CCN2: variants seen among roughly 807,000 people sequenced by gnomAD.
CCN2 encodes cellular communication network factor 2, also known as CCN family member 2.
CCN2 carries 22 observed loss-of-function variants against 33.2 expected under a neutral mutation model. The observed-to-expected ratio is 0.66, with a 90% CI of 0.47 to 0.95. CCN2 has a LOEUF of 0.95. Ranked by LOEUF, CCN2 falls within the 40% of genes least tolerant of loss-of-function variation. CCN2 has a pLI of 0.00. For synonymous variants in CCN2, 178 were observed against 200.6 expected, an observed-to-expected ratio of 0.89 and a Z score of 0.95; for missense variants, 469 against 498.8, an observed-to-expected ratio of 0.94 and a Z score of 0.57.
rs1783108746 is a variant in CCN2 at position 131,951,313 on chromosome 6, TC to T, written c.-142del. The T allele has an allele frequency of 1.5e-6, 1 of 655,316 alleles. No homozygotes were observed. The highest frequency in any genetic ancestry group is 6.9e-5 in the South Asian group (1 of 14,476). 40.6% of individuals were successfully genotyped at this position (655,316 alleles called of 1,614,324 possible). A position where few individuals can be genotyped will look rare whatever the true frequency, so the allele number is the denominator to read the frequency against. On this transcript the variant is annotated 5_prime_UTR_variant, in exon 1 of 5. Coordinates refer to ENST00000367976, the MANE Select transcript of CCN2 (RefSeq NM_001901.4). ...GGGCTGTCGGCCGGGGCGGCTGCCG[TC>T]GAGCTGGAGGGTGGAGTCGCACTGG...
chr6:131,950,225 C>A lies in CCN2; in HGVS notation c.542-65G>T. On this transcript the variant is annotated intron_variant, in intron 3 of 4. Coordinates refer to ENST00000367976, the MANE Select transcript of CCN2 (RefSeq NM_001901.4). This position sits in a 1 kb window ranked among gnomAD's most constrained non-coding sequence, Gnocchi z 7.1. ...GGATAAGGTATTTCCCCCGTTCGGT[C>A]GGCACAGTTAGGACTCCCTCCCTGG... The A allele has an allele frequency of 6.2e-7, 1 of 1,610,780 alleles. No homozygotes were observed. The highest frequency in any genetic ancestry group is 1.1e-5 in the South Asian group (1 of 90,762).
At position 131,950,807 on chromosome 6, in the gene CCN2, G is replaced by A. The variant is rs771548344; in HGVS notation, c.252C>T (p.Phe84=). ...CDPHKGLFCH[F]GSPANRKIGV... Reference sequence around the variant, plus strand: ...CGATCTTGCGGTTGGCCGGGGAGCCGAAGTGACAGAATAGGCCCTTGTGCG... The same window carrying A: ...CGATCTTGCGGTTGGCCGGGGAGCCAAAGTGACAGAATAGGCCCTTGTGCG... Residue 84 remains phenylalanine, a synonymous_variant, in exon 2 of 5, where the codon TTC becomes TTT. Coordinates refer to ENST00000367976, the MANE Select transcript of CCN2 (RefSeq NM_001901.4). The surrounding 1 kb of genome is among the most constrained non-coding windows in gnomAD (Gnocchi z 7.1). 1.3e-6 allele frequency: 2 copies of A among 1,545,310 alleles called. No individual in the cohort carries two copies. The highest frequency in any genetic ancestry group is 1.9e-5 in the Admixed American group (1 of 52,384).
In CCN2 at chr6:131,951,296, G is replaced by A; in HGVS notation, c.-124C>T. ...GCCGGGCTGTCGTCTCGGGGCTGTC[G>A]GCCGGGGCGGCTGCCGTCGAGCTGG... On this transcript the variant is annotated 5_prime_UTR_variant, in exon 1 of 5. Transcript: ENST00000367976. 1 of 803,214 alleles carries A rather than the reference G, an allele frequency of 1.2e-6. No individual in the cohort carries two copies. Among genetic ancestry groups the A allele is most frequent in the Non-Finnish European group, 1.7e-6 (1 of 603,082 alleles). The allele number at this position is 803,214 out of a possible 1,614,324, so 49.8% of individuals were successfully genotyped here.
chr6:131,950,678 AACTC>A lies in CCN2; in HGVS notation c.289+88_289+91del. On this transcript the variant is annotated intron_variant, in intron 2 of 4. Transcript: ENST00000367976. The surrounding 1 kb of genome is among the most constrained non-coding windows in gnomAD (Gnocchi z 7.1). ...CGGGCTGGCAGCAGCTGGAGAAAGA[AACTC>A]AGTCCGAGCGGTTTCTTTTTCCAGC... 6.7e-7 allele frequency: 1 copy of A among 1,492,054 alleles called. No individual in the cohort carries two copies. The highest frequency in any genetic ancestry group is 9.0e-7 in the Non-Finnish European group (1 of 1,108,648). The allele number at this position is 1,492,054 out of a possible 1,614,324, so 92.4% of individuals were successfully genotyped here.
In CCN2 at chr6:131,948,642, T is replaced by TAC. The variant is rs35220939; in HGVS notation, c.*620_*621dup. 5,687 of 151,452 alleles carry TAC rather than the reference T, an allele frequency of 0.038. 151 individuals are homozygous for TAC. The highest frequency in any genetic ancestry group is 0.081 in the African/African-American group (3,326 of 40,862). 9.4% of individuals were successfully genotyped at this position (151,452 alleles called of 1,614,324 possible). A position where few individuals can be genotyped will look rare whatever the true frequency, so the allele number is the denominator to read the frequency against. On this transcript the variant is annotated 3_prime_UTR_variant, in exon 5 of 5. Transcript: ENST00000367976. ...AGATAACTGTACATATATATATATA[T>TAC]ACACACACACACACACACACAATAT...
At chr6:131,951,076 GCC>G in intron 1 of CCN2, 29 bp downstream of exon 1, 1 of 1,291,770 alleles carries the variant, frequency 7.7e-7, no homozygotes, top group Non-Finnish European at 9.8e-7. Flanking sequence ...CCTGGCAGCC[GCC>G]GGCCGCAGCG....
chr6:131,949,602 A>T (rs1783071836), intron 4 of CCN2, 42 bp from the exon 5 acceptor site: 1 of 981,888 alleles, frequency 1.0e-6, no homozygotes, highest in Non-Finnish European at 1.5e-6. Context: ...AAAAAAAATC[A>T]GCGACTCTAC....
rs1428194332 is a variant in CCN2, at chr6:131,949,561, C to G, written c.754-1G>C. 1 of 1,159,126 alleles carries G rather than the reference C, an allele frequency of 8.6e-7. No homozygotes were observed. Among genetic ancestry groups the G allele is most frequent in the Non-Finnish European group, 1.2e-6 (1 of 825,622 alleles). 71.8% of individuals were successfully genotyped at this position (1,159,126 alleles called of 1,614,324 possible). On this transcript the variant is annotated splice_acceptor_variant, in intron 4 of 4. Coordinates refer to ENST00000367976, the MANE Select transcript of CCN2 (RefSeq NM_001901.4). LOFTEE classifies it high-confidence loss of function. ...GAGTACGGATGCACTTTTTGCCCTT[C>G]TAAGGAAGACAAGGGAAAAGAGAGA...
chr6:131,950,244 T>A lies in CCN2; in HGVS notation c.541+48A>T, dbSNP rs781494419. On this transcript the variant is annotated intron_variant, in intron 3 of 4. Coordinates refer to ENST00000367976, the MANE Select transcript of CCN2 (RefSeq NM_001901.4). This position sits in a 1 kb window ranked among gnomAD's most constrained non-coding sequence, Gnocchi z 7.1. Reference sequence around the variant, plus strand: ...TTCGGTCGGCACAGTTAGGACTCCCTCCCTGGGAGAGAATCACGACCCTGA... The same window carrying A: ...TTCGGTCGGCACAGTTAGGACTCCCACCCTGGGAGAGAATCACGACCCTGA... 1 of 1,609,830 alleles carries A rather than the reference T, an allele frequency of 6.2e-7. No homozygotes were observed. Among genetic ancestry groups the A allele is most frequent in the Non-Finnish European group, 8.5e-7 (1 of 1,176,760 alleles).
chr6:131,949,424 C>G lies in CCN2; in HGVS notation c.890G>C (p.Arg297Thr). The change falls in exon 5 of 5, where the codon AGA becomes ACA. Residue 297 changes from arginine (R) to threonine (T), a missense_variant. Transcript: ENST00000367976. ...CTDGRCCTPH[R>T]TTTLPVEFKC... ...GAACTCCACCGGCAGGGTGGTGGTT[C>G]TGTGGGGGGTGCAGCATCGGCCGTC... The G allele has an allele frequency of 6.2e-7, 1 of 1,614,140 alleles. No individual in the cohort carries two copies. Among genetic ancestry groups the G allele is most frequent in the Non-Finnish European group, 8.5e-7 (1 of 1,180,034 alleles).
In CCN2 at chr6:131,950,285, G is replaced by T. The variant is rs774650167; in HGVS notation, c.541+7C>A. 3 of 1,612,604 alleles carry T rather than the reference G, an allele frequency of 1.9e-6. No individual in the cohort carries two copies. The South Asian group carries it at 3.3e-5, about 18-fold the overall frequency. On this transcript the variant is annotated splice_region_variant and intron_variant, in intron 3 of 4. Transcript: ENST00000367976. The surrounding 1 kb of genome is among the most constrained non-coding windows in gnomAD (Gnocchi z 7.1). ...ACGACCCTGACTTAGAGGAAGACTC[G>T]ACTCACCCGCGAGGGCAGGCCCAAC...
In CCN2 at chr6:131,949,958, C is replaced by A; in HGVS notation, c.744G>T (p.Glu248Asp). The change falls in exon 4 of 5, where the codon GAG becomes GAT. Residue 248 changes from glutamate to aspartate, a missense_variant. Transcript: ENST00000367976. The stretch of plus-strand genomic sequence containing the variant: ...GGAGCAGAACATGTACCTTAATGTT[C>A]TCTTCCAGGTCAGCTTCGCAAGGCC... ...MVRPCEADLEENIKKGKKCIR... is the reference protein window; with the variant it reads ...MVRPCEADLEDNIKKGKKCIR... 6.2e-7 allele frequency: 1 copy of A among 1,614,160 alleles called. No individual in the cohort carries two copies. The highest frequency in any genetic ancestry group is 1.1e-5 in the South Asian group (1 of 91,054).
intron 1 of CCN2, 26 bp from the exon 2 acceptor site, chr6:131,951,018 G>T (rs966966564): frequency 4.1e-5 from 51 of 1,259,202 alleles, no homozygotes; most frequent in Non-Finnish European, 4.9e-5. Flanking sequence ...GGCGGTCAGC[G>T]GCGCTCGGTC....
At position 131,950,601 on chromosome 6, in the gene CCN2, C is replaced by G. The variant is rs775665838; in HGVS notation, c.290-58G>C. 1.9e-6 allele frequency: 3 copies of G among 1,584,524 alleles called. No individual in the cohort carries two copies. The highest frequency in any genetic ancestry group is 1.7e-6 in the Non-Finnish European group (2 of 1,162,998). On this transcript the variant is annotated intron_variant, in intron 2 of 4. Coordinates refer to ENST00000367976, the MANE Select transcript of CCN2 (RefSeq NM_001901.4). This position sits in a 1 kb window ranked among gnomAD's most constrained non-coding sequence, Gnocchi z 7.1. Reference sequence around the variant, plus strand: ...GATGCAGAGGTCAGGCATTGGGGCACTCTCACATCCAGAGCGTCAGGGATG... The same window carrying G: ...GATGCAGAGGTCAGGCATTGGGGCAGTCTCACATCCAGAGCGTCAGGGATG...
In CCN2 at chr6:131,950,145, T is replaced by G; in HGVS notation, c.557A>C (p.Asp186Ala). ...CATAGTTGGGTCTGGGCCAAACGTG[T>G]CTTCCAGTCGGTAAGCTGCGAGAGC... is the stretch of plus-strand genomic sequence containing the variant. ...GPALAAYRLE[D>A]TFGPDPTMIR... is the part of the protein sequence containing the mutation. The change falls in exon 4 of 5, where the codon GAC becomes GCC. Residue 186 changes from aspartate (D) to alanine (A), a missense_variant. Coordinates refer to ENST00000367976, the MANE Select transcript of CCN2 (RefSeq NM_001901.4). This position sits in a 1 kb window ranked among gnomAD's most constrained non-coding sequence, Gnocchi z 7.1. 1.9e-6 allele frequency: 3 copies of G among 1,614,226 alleles called. No individual in the cohort carries two copies. In the East Asian group the frequency reaches 6.7e-5, roughly 36 times the overall value.
chr6:131,949,160 C>A lies in CCN2; in HGVS notation c.*104G>T. On this transcript the variant is annotated 3_prime_UTR_variant, in exon 5 of 5. Coordinates refer to ENST00000367976, the MANE Select transcript of CCN2 (RefSeq NM_001901.4). ...GAATCTTTTCCCCCAGTTAGAAAAA[C>A]AGATTTAAATAACTTGTGCTACTGA... 9.5e-7 allele frequency: 1 copy of A among 1,053,464 alleles called. No homozygotes were observed. 65.3% of individuals were successfully genotyped at this position (1,053,464 alleles called of 1,614,324 possible).
rs377154534 is a variant in CCN2 at position 131,951,222 on chromosome 6, C to G, written c.-50G>C. 979 of 1,259,186 alleles carry G rather than the reference C, an allele frequency of 7.8e-4. 3 individuals carry two copies. In the African/African-American group the frequency reaches 0.013, roughly 17 times the overall value. 78.0% of individuals were successfully genotyped at this position (1,259,186 alleles called of 1,614,324 possible). On this transcript the variant is annotated 5_prime_UTR_variant, in exon 1 of 5. Coordinates refer to ENST00000367976, the MANE Select transcript of CCN2 (RefSeq NM_001901.4). Reference sequence around the variant, plus strand: ...GGGCGCGGTGGCGGCGAGCGGGGAGCGGCGGGGCCTGGAGCGCTGGCGGTG... The same window carrying G: ...GGGCGCGGTGGCGGCGAGCGGGGAGGGGCGGGGCCTGGAGCGCTGGCGGTG...
At position 131,950,737 on chromosome 6, in the gene CCN2, C is replaced by A. The variant is rs749158712; in HGVS notation, c.289+33G>T. The stretch of plus-strand genomic sequence containing the variant: ...GGGTGGGCGTGAGGGAGGAGGCGGC[C>A]GGACACCTAGCGGTGGGGGCTGCGG... On this transcript the variant is annotated intron_variant, in intron 2 of 4. Coordinates refer to ENST00000367976, the MANE Select transcript of CCN2 (RefSeq NM_001901.4). This position sits in a 1 kb window ranked among gnomAD's most constrained non-coding sequence, Gnocchi z 7.1. 2.0e-6 allele frequency: 3 copies of A among 1,512,118 alleles called. No homozygotes were observed. Among genetic ancestry groups the A allele is most frequent in the East Asian group, 4.8e-5 (2 of 41,394 alleles). The allele number at this position is 1,512,118 out of a possible 1,614,324, so 93.7% of individuals were successfully genotyped here.
rs772644537 is a variant in CCN2, at chr6:131,950,445, C to T, written c.388G>A (p.Ala130Thr). 1.9e-6 allele frequency: 3 copies of T among 1,614,036 alleles called. No homozygotes were observed. In the Admixed American group the frequency reaches 5.0e-5, roughly 27 times the overall value. Residue 130 changes from alanine to threonine, a missense_variant, in exon 3 of 5, where the codon GCG becomes ACG. By Grantham distance (58) the Ala-to-Thr change is moderately conservative (BLOSUM62 0). Transcript: ENST00000367976. This position sits in a 1 kb window ranked among gnomAD's most constrained non-coding sequence, Gnocchi z 7.1. ...CKYQCTCLDG[A>T]VGCMPLCSMD... ...CTGCACAGGGGCATGCAGCCCACCGCCCCGTCCAGGCACGTGCACTGGTAC... is the reference window on the plus strand; with the variant it reads ...CTGCACAGGGGCATGCAGCCCACCGTCCCGTCCAGGCACGTGCACTGGTAC...
Sources: allele counts gnomAD v4.1 joint callset, GRCh38; gene constraint gnomAD v4.1.1; non-coding constraint Gnocchi (gnomAD v3.1); transcripts MANE v1.5; gene names NCBI Gene and HGNC (gene_info 2026-07-23, HGNC 2026-07-21).